Variants in MMEL1 observed in about 807,000 individuals in gnomAD.
The protein encoded by MMEL1 is membrane metalloendopeptidase like 1, also known as membrane metallo-endopeptidase-like 1.
MMEL1 carries 98 observed loss-of-function variants against 117.1 expected under a neutral mutation model. The ratio of observed to expected loss-of-function variants is 0.84; its 90% confidence interval spans 0.71 to 0.99. The LOEUF (loss-of-function observed/expected upper bound fraction) is 0.99, where lower values mean the gene tolerates loss of function less well. MMEL1 is among the 50% of genes least tolerant of loss of function. The pLI is 0.00. For synonymous variants in MMEL1, 390 were observed against 415.1 expected (o/e 0.94, Z 0.74); for missense variants, 1,014 against 1,049.1 (o/e 0.97, Z 0.46).
intron 7 of MMEL1, 100 bp from the exon 8 acceptor site, chr1:2,606,466 C>T: frequency 1.2e-6 from 1 of 848,992 alleles, no homozygotes; most frequent in Non-Finnish European, 1.9e-6. Flanking sequence ...AACTAGGGGG[C>T]CATAGGGTGG....
intron 2 of MMEL1, among the ~76,000 whole-genome samples, chr1:2,620,022 G>T (rs1645267244): frequency 1.3e-5 from 2 of 152,154 alleles, no homozygotes; most frequent in South Asian, 4.1e-4. Flanking sequence ...AAGATAACGG[G>T]TACAATTTTC....
chr1:2,598,673 T>A lies in MMEL1; in HGVS notation c.1159A>T (p.Ile387Phe). The part of the protein sequence containing the change: ...IPYLQNLENI[I>F]DTYSARTIQN... The stretch of plus-strand genomic sequence containing the variant: ...CCTCACCTGGCTGAGTAGGTGTCGA[T>A]GATGTTTTCAAGGTTCTGCAGGTAG... Residue 387 changes from isoleucine (I) to phenylalanine (F), a missense_variant, in exon 12 of 24, where the codon ATC becomes TTC. Ile to Phe is a conservative substitution (Grantham distance 21). Transcript: ENST00000378412. 1 of 1,614,126 alleles carries A rather than the reference T, an allele frequency of 6.2e-7. No individual in the cohort carries two copies. The highest frequency in any genetic ancestry group is 8.5e-7 in the Non-Finnish European group (1 of 1,180,004).
At chr1:2,620,983 T>C (rs187459322) in intron 2 of MMEL1, among the ~76,000 whole-genome samples, 197 of 152,266 alleles carry the variant, frequency 1.3e-3, no homozygotes, top group African/African-American at 4.5e-3. Flanking sequence ...CTGACCAGCA[T>C]TCACCTTAAA....
At chr1:2,625,455 C>T (rs557037997) in intron 2 of MMEL1, among the ~76,000 whole-genome samples, 2 of 152,308 alleles carry the variant, frequency 1.3e-5, no homozygotes, top group South Asian at 4.1e-4. Flanking sequence ...GGCTGTATGA[C>T]CCAGCAGATC....
chr1:2,612,230 G>A lies in MMEL1; in HGVS notation c.155-26C>T, dbSNP rs1412146563. The A allele has an allele frequency of 1.3e-6, 2 of 1,552,654 alleles. No homozygotes were observed. The highest frequency in any genetic ancestry group is 1.2e-5 in the South Asian group (1 of 84,440). ...CTGGGGAGAAACACAGCGCTCAGCT[G>A]CGGCCTCCTGCCTGCAGCTCCCTGG... is the stretch of plus-strand genomic sequence containing the variant. On this transcript the variant is annotated intron_variant, in intron 2 of 23. Coordinates refer to ENST00000378412, the MANE Select transcript of MMEL1 (RefSeq NM_033467.4). The surrounding 1 kb of genome is among the most constrained non-coding windows in gnomAD (Gnocchi z 5.4).
At chr1:2,603,802 G>A (rs1489043319) in intron 11 of MMEL1, 82 bp downstream of exon 11, 16 of 1,239,176 alleles carry the variant, frequency 1.3e-5, no homozygotes, top group East Asian at 2.3e-5. Context: ...GCCAGGCAAC[G>A]TGCCCTCTCA....
At chr1:2,593,015 G>T in intron 19 of MMEL1, 49 bp from the exon 20 acceptor site, 1 of 1,598,780 alleles carries the variant, frequency 6.3e-7, no homozygotes, top group Non-Finnish European at 8.5e-7. Context: ...GCTGCACTGT[G>T]CCTGGCCCCA....
chr1:2,609,861 GA>G, intron 4 of MMEL1, 30 bp from the exon 5 acceptor site: 2 of 1,582,268 alleles, frequency 1.3e-6, no homozygotes, highest in South Asian at 1.2e-5. Flanking sequence ...GGAGCAGGGA[GA>G]GGGGAGACAG....
chr1:2,594,973 G>A, intron 16 of MMEL1, 80 bp from the exon 17 acceptor site: 1 of 1,247,852 alleles, frequency 8.0e-7, no homozygotes, highest in Non-Finnish European at 1.2e-6. Context: ...GGGTGGTTGG[G>A]GAAGGACCTC....
chr1:2,626,814 TAGAG>T (rs1438991166), intron 2 of MMEL1, among the ~76,000 whole-genome samples: 1 of 151,950 alleles, frequency 6.6e-6, no homozygotes, highest in Non-Finnish European at 1.5e-5. Context: ...TGAGGGAAAA[TAGAG>T]GAAATAATGA....
intron 1 of MMEL1, among the ~76,000 whole-genome samples, chr1:2,631,328 T>G (rs535382197): frequency 9.5e-4 from 145 of 152,220 alleles, no homozygotes; most frequent in African/African-American, 3.1e-3. Context: ...TGCCTGTGGG[T>G]GGGTCAGGGA....
Position 2,628,764 on chromosome 1 carries a change from C to T in MMEL1, c.154+567G>A, listed in dbSNP as rs554299253. On this transcript the variant is annotated intron_variant, in intron 2 of 23. Coordinates refer to ENST00000378412, the MANE Select transcript of MMEL1 (RefSeq NM_033467.4). ...CCGAGGTTCCAGCGAGCAGCCCTGG[C>T]CACGCCTTTGTCTCCGTGGGACCCC... 5.3e-4 allele frequency among the ~76,000 whole-genome samples: 80 copies of T among 152,234 alleles called. 2 individuals carry two copies. The highest frequency in any genetic ancestry group is 1.2e-3 in the Admixed American group (18 of 15,296).
intron 13 of MMEL1, among the ~76,000 whole-genome samples, chr1:2,597,014 G>A (rs1268116058): frequency 6.6e-6 from 1 of 152,046 alleles, no homozygotes; most frequent in Admixed American, 6.5e-5. Flanking sequence ...CAGTCTCAAG[G>A]CACAGGGCTG....
Position 2,606,340 on chromosome 1 carries a change from G to A in MMEL1, c.658C>T (p.Leu220=), listed in dbSNP as rs1474236306. ...TTGAACTGTGAGTTCATCAGCGCCA[G>A]CTGCCGCTCCAGCTCCCACTCGAGT... The part of the protein sequence containing the change: ...VGLEWELERQ[L]ALMNSQFNRR... Residue 220 remains leucine, a synonymous_variant, in exon 8 of 24, where the codon CTG becomes TTG. Coordinates refer to ENST00000378412, the MANE Select transcript of MMEL1 (RefSeq NM_033467.4). 3 of 1,610,874 alleles carry A rather than the reference G, an allele frequency of 1.9e-6. No individual in the cohort carries two copies. The Admixed American group carries it at 5.0e-5, about 27-fold the overall frequency.
intron 6 of MMEL1, among the ~76,000 whole-genome samples, 179 bp downstream of exon 6, chr1:2,609,160 C>T (rs552470887): frequency 2.6e-5 from 4 of 152,138 alleles, no homozygotes; most frequent in South Asian, 4.1e-4. Flanking sequence ...GGCATTACTG[C>T]GAGCCTGGAC....
At chr1:2,602,320 C>G (rs1334184305) in intron 11 of MMEL1, among the ~76,000 whole-genome samples, 2 of 152,126 alleles carry the variant, frequency 1.3e-5, no homozygotes, top group African/African-American at 4.8e-5. Flanking sequence ...TGGGGCGATT[C>G]TGAACATCAT....
chr1:2,609,847 G>A lies in MMEL1; in HGVS notation c.293-16C>T. 6.3e-7 allele frequency: 1 copy of A among 1,594,162 alleles called. No homozygotes were observed. The highest frequency in any genetic ancestry group is 1.2e-5 in the South Asian group (1 of 86,734). On this transcript the variant is annotated splice_polypyrimidine_tract_variant and intron_variant, in intron 4 of 23. Transcript: ENST00000378412. Reference sequence around the variant, plus strand: ...ATCCTGGCAGCTGCTCGTCCCCATGGCGTGGAGCAGGGAGAGGGGAGACAG... The same window carrying A: ...ATCCTGGCAGCTGCTCGTCCCCATGACGTGGAGCAGGGAGAGGGGAGACAG...
chr1:2,631,133 C>G (rs1053536831), intron 1 of MMEL1, among the ~76,000 whole-genome samples: 4 of 152,194 alleles, frequency 2.6e-5, no homozygotes, highest in African/African-American at 9.7e-5. Flanking sequence ...GTGCACATCC[C>G]TCGCTGGCAC....
chr1:2,628,325 C>G (rs904876480), intron 2 of MMEL1, among the ~76,000 whole-genome samples: 3 of 152,240 alleles, frequency 2.0e-5, no homozygotes, highest in African/African-American at 7.2e-5. Flanking sequence ...AGGCAGCACC[C>G]ACTTCTGCTT....
Sources: gnomAD v4.1 joint callset for allele counts (sites outside exome capture counted in the v4.1 genomes callset) on GRCh38, gnomAD v4.1.1 for gene constraint, Gnocchi (gnomAD v3.1) non-coding constraint, MANE v1.5 for transcripts, NCBI Gene and HGNC (gene_info 2026-07-23, HGNC 2026-07-21) for gene names.